Variants in ARAP1 observed in about 807,000 individuals in gnomAD.
ARAP1 encodes arf-GAP with Rho-GAP domain, ANK repeat and PH domain-containing protein 1.
Under a neutral mutation model 172.2 loss-of-function variants are expected in ARAP1, and 76 were observed. That is an observed-to-expected ratio of 0.44 (90% CI 0.37 to 0.53). The LOEUF is 0.53. ARAP1 is among the 20% of genes least tolerant of loss of function. The probability of loss-of-function intolerance (pLI) is 0.00; values close to 1 mark genes in which losing one functional copy is unlikely to be tolerated. For synonymous variants in ARAP1, 804 were observed against 803.3 expected (o/e 1.00, Z -0.01); for missense variants, 1,686 against 1,977.5 (o/e 0.85, Z 2.80).
intron 2 of ARAP1, among the ~76,000 whole-genome samples, chr11:72,731,749 A>C (rs1001068267): frequency 6.6e-6 from 1 of 152,188 alleles, no homozygotes; most frequent in African/African-American, 2.4e-5. Flanking sequence ...CCTGCACCTC[A>C]AACTCCAGCT....
chr11:72,728,415 T>C (rs1857762846), intron 2 of ARAP1, among the ~76,000 whole-genome samples: 1 of 151,916 alleles, frequency 6.6e-6, no homozygotes, highest in Admixed American at 6.6e-5. Flanking sequence ...ACCCCATCTT[T>C]ACTAGAATAC....
At chr11:72,713,418 T>C (rs1857124039) in intron 4 of ARAP1, among the ~76,000 whole-genome samples, 175 bp from the exon 5 acceptor site, 2 of 152,102 alleles carry the variant, frequency 1.3e-5, no homozygotes, top group African/African-American at 2.4e-5. Context: ...CCAGGCCTCA[T>C]AGGACAGTAC....
intron 1 of ARAP1, among the ~76,000 whole-genome samples, chr11:72,742,338 T>C (rs910909491): frequency 6.6e-6 from 1 of 152,206 alleles, no homozygotes; most frequent in African/African-American, 2.4e-5. Context: ...ACACTAAACA[T>C]ATCACATGGA....
At chr11:72,704,551 A>C (rs1322521183) in intron 13 of ARAP1, 1 of 553,064 alleles carries the variant, frequency 1.8e-6, no homozygotes, top group African/African-American at 1.9e-5. Context: ...AGGCTCAGTG[A>C]CAGGACAGGG....
intron 11 of ARAP1, chr11:72,708,669 G>A (rs1565219314): frequency 6.6e-6 from 1 of 152,584 alleles, no homozygotes; most frequent in Non-Finnish European, 1.5e-5. Flanking sequence ...GAGGAGGCAG[G>A]CGCTGGGGCC....
chr11:72,749,424 T>C (rs1858471303), intron 1 of ARAP1, among the ~76,000 whole-genome samples: 1 of 152,224 alleles, frequency 6.6e-6, no homozygotes, highest in Admixed American at 6.5e-5. Flanking sequence ...ATAGGCATGT[T>C]TGCTGACCTC....
At chr11:72,691,271 T>C (rs1254096094) in intron 30 of ARAP1, among the ~76,000 whole-genome samples, 1 of 152,250 alleles carries the variant, frequency 6.6e-6, no homozygotes, top group Non-Finnish European at 1.5e-5. Flanking sequence ...GGGCCAGCAC[T>C]AAGCCAGGTT....
At chr11:72,713,050 TG>T in intron 5 of ARAP1, 125 bp downstream of exon 5, 1 of 985,170 alleles carries the variant, frequency 1.0e-6, no homozygotes, top group Non-Finnish European at 1.6e-6. Context: ...GAGAGTGAGG[TG>T]GGGGAAGGGG....
rs981828723 is a variant in ARAP1 at position 72,714,195 on chromosome 11, G to C, written c.636C>G (p.Pro212=). ...GTACCGGCTTTGGAGGTATCTCCGGGGGGCAGGGAGGTGGAGAGGGAGGCT... is the reference window on the plus strand; with the variant it reads ...GTACCGGCTTTGGAGGTATCTCCGGCGGGCAGGGAGGTGGAGAGGGAGGCT... ...PPQPPSPPPC[P]PEIPPKPVRL... Residue 212 remains proline (P), a synonymous_variant, in exon 4 of 35, where the codon CCC becomes CCG. Coordinates refer to ENST00000393609, the MANE Select transcript of ARAP1 (RefSeq NM_001040118.3). The C allele has an allele frequency of 4.0e-6, 6 of 1,518,030 alleles. No individual in the cohort carries two copies. Among genetic ancestry groups the C allele is most frequent in the Admixed American group, 2.5e-5 (1 of 40,160 alleles). The allele number at this position is 1,518,030 out of a possible 1,614,324, so 94.0% of individuals were successfully genotyped here.
chr11:72,708,214 T>C (rs940289900), intron 11 of ARAP1: 4 of 152,056 alleles, frequency 2.6e-5, no homozygotes, highest in Non-Finnish European at 4.4e-5. Context: ...GGAGGTGTGA[T>C]GGCCATTAAT....
In ARAP1 at chr11:72,711,177, G is replaced by C. The variant is rs1246222593; in HGVS notation, c.1093-36C>G. The C allele has an allele frequency of 3.1e-6, 5 of 1,611,850 alleles. No individual in the cohort carries two copies. The Admixed American group carries it at 8.4e-5, about 27-fold the overall frequency. On this transcript the variant is annotated intron_variant, in intron 8 of 34. Transcript: ENST00000393609. ...GACAGGAACTATATTTTGGGACCCA[G>C]CACCTCGCTGACTCCCCCAGCCTCA... is the stretch of plus-strand genomic sequence containing the variant.
intron 1 of ARAP1, among the ~76,000 whole-genome samples, chr11:72,738,013 C>T (rs2135586095): frequency 6.6e-6 from 1 of 152,290 alleles, no homozygotes; most frequent in African/African-American, 2.4e-5. Flanking sequence ...CTCACCAGGT[C>T]ACCTGCTGGA....
chr11:72,712,606 A>C (rs113515643), intron 5 of ARAP1, 38 bp from the exon 6 acceptor site: 1 of 1,607,838 alleles, frequency 6.2e-7, no homozygotes. Flanking sequence ...CCTTCCCTTC[A>C]AGCCACAGAT....
At chr11:72,743,733 C>T (rs1178005724) in intron 1 of ARAP1, among the ~76,000 whole-genome samples, 2 of 152,158 alleles carry the variant, frequency 1.3e-5, no homozygotes, top group Non-Finnish European at 2.9e-5. Context: ...GCCCCTTAAA[C>T]ACTGCTGGGG....
chr11:72,707,363 T>C lies in ARAP1; in HGVS notation c.1535A>G (p.Asp512Gly). ...CCACTGCTCCTTCTCTAGCTCTGAGTCAGCAGAGAAGCTGGGGACATAGGG... is the reference window on the plus strand; with the variant it reads ...CCACTGCTCCTTCTCTAGCTCTGAGCCAGCAGAGAAGCTGGGGACATAGGG... ...TPYRIFSFSA[D>G]SELEKEQWLE... Residue 512 changes from aspartate (D) to glycine (G), a missense_variant, in exon 12 of 35, where the codon GAC becomes GGC. Around this residue, in one of 5 missense-constraint regions of ARAP1, gnomAD observed 688 missense variants for 856.9 expected, o/e 0.80. Transcript: ENST00000393609. 3 of 1,611,904 alleles carry C rather than the reference T, an allele frequency of 1.9e-6. No homozygotes were observed. Among genetic ancestry groups the C allele is most frequent in the Non-Finnish European group, 2.5e-6 (3 of 1,178,936 alleles).
intron 15 of ARAP1, among the ~76,000 whole-genome samples, chr11:72,702,305 C>G (rs1216913254): frequency 6.6e-6 from 1 of 152,154 alleles, no homozygotes; most frequent in African/African-American, 2.4e-5. Flanking sequence ...CCCCGCCCAC[C>G]CATGGCCCTG....
chr11:72,697,928 C>T lies in ARAP1; in HGVS notation c.2720G>A (p.Arg907Gln), dbSNP rs146380615. 234 of 1,604,762 alleles carry T rather than the reference C, an allele frequency of 1.5e-4. No homozygotes were observed. The African/African-American group carries it at 2.6e-3, about 18-fold the overall frequency. ...CCACGCACAAAGCTCCTGCAGTTTC[C>T]GTAGTTGCAGCGGCTCTTCGCAGGG... is the stretch of plus-strand genomic sequence containing the variant. ...EGPCEEPLQLRKLQELSIQGD... is the reference protein window; with the variant it reads ...EGPCEEPLQLQKLQELSIQGD... Residue 907 changes from arginine to glutamine, a missense_variant, in exon 19 of 35, where the codon CGG (arginine) becomes CAG (glutamine). By Grantham distance (43) the Arg-to-Gln change is conservative. Around this residue, in one of 5 missense-constraint regions of ARAP1, gnomAD observed 274 missense variants for 262.7 expected, o/e 1.04. Coordinates refer to ENST00000393609, the MANE Select transcript of ARAP1 (RefSeq NM_001040118.3).
chr11:72,744,435 A>G (rs1162739617), intron 1 of ARAP1, among the ~76,000 whole-genome samples: 1 of 152,156 alleles, frequency 6.6e-6, no homozygotes, highest in Non-Finnish European at 1.5e-5. Context: ...CCACCCAGTT[A>G]TAGTTCTACT....
chr11:72,710,447 A>G lies in ARAP1; in HGVS notation c.1354T>C (p.Phe452Leu), dbSNP rs140890484. 2.3e-4 allele frequency: 365 copies of G among 1,614,044 alleles called. 2 individuals carry two copies. Among genetic ancestry groups the G allele is most frequent in the Admixed American group, 5.0e-5 (3 of 60,008 alleles). The change falls in exon 10 of 35, where the codon TTC (phenylalanine) becomes CTC (leucine). Residue 452 changes from phenylalanine (F) to leucine (L), a missense_variant. Physicochemically the swap from Phe to Leu is conservative, Grantham distance 22. Transcript: ENST00000393609. This position sits in a 1 kb window ranked among gnomAD's most constrained non-coding sequence, Gnocchi z 4.3. The stretch of plus-strand genomic sequence containing the variant: ...ACGGCCACGTACAGCTTATTCTTGA[A>G]GCCACGAAGCTCCAGGCTGCCAGCG... Reference protein sequence around the residue: ...DRAGSLELRGFKNKLYVAVVG... With the variant: ...DRAGSLELRGLKNKLYVAVVG...
Sources: allele counts gnomAD v4.1 joint callset (sites outside exome capture counted in the v4.1 genomes callset), GRCh38; gene constraint gnomAD v4.1.1; regional missense constraint gnomAD v4.1.1; non-coding constraint Gnocchi (gnomAD v3.1); transcripts MANE v1.5; gene names NCBI Gene and HGNC (gene_info 2026-07-23, HGNC 2026-07-21).